The following FOCAD variants were observed in gnomAD, a reference collection of about 807,000 sequenced individuals.
The protein encoded by FOCAD is KIAA1797.
In FOCAD, 198 loss-of-function variants were observed where a neutral mutation model predicts 225.6. The ratio of observed to expected loss-of-function variants is 0.88; its 90% CI spans 0.78 to 0.99. The LOEUF (loss-of-function observed/expected upper bound fraction) is 0.99, where lower values mean the gene tolerates loss of function less well. FOCAD is among the 50% of genes least tolerant of loss of function. The probability of loss-of-function intolerance (pLI) is 0.00; values close to 1 mark genes in which losing one functional copy is unlikely to be tolerated. For synonymous variants in FOCAD, 897 were observed against 755.0 expected (o/e 1.19, Z -3.08); for missense variants, 2,713 against 2,123.6 (o/e 1.28, Z -5.46).
chr9:20,765,708 T>A (rs1829997902), intron 7 of FOCAD, among the ~76,000 whole-genome samples: 1 of 152,198 alleles, frequency 6.6e-6, no homozygotes. Flanking sequence ...AAGAGAAATT[T>A]GAGTCATTGT....
intron 11 of FOCAD, among the ~76,000 whole-genome samples, chr9:20,809,317 A>G (rs891640300): frequency 4.6e-5 from 7 of 152,186 alleles, no homozygotes; most frequent in Non-Finnish European, 7.3e-5. Context: ...GTGCAGTTTT[A>G]TGTGGTAACC....
intron 2 of FOCAD, among the ~76,000 whole-genome samples, chr9:20,676,293 C>T (rs777044894): frequency 1.6e-4 from 25 of 152,148 alleles, no homozygotes; most frequent in East Asian, 3.9e-4. Context: ...GCTGAATATC[C>T]CGATTTGCCC....
intron 39 of FOCAD, among the ~76,000 whole-genome samples, chr9:20,985,406 C>T (rs542965670): frequency 4.8e-4 from 73 of 152,124 alleles, no homozygotes; most frequent in Non-Finnish European, 8.5e-4. Context: ...ACAAATTTTC[C>T]AAAAATCTAA....
rs1837434206 is a variant in FOCAD at position 20,948,880 on chromosome 9, T to A, written c.3828T>A (p.Ala1276=). 6.2e-7 allele frequency: 1 copy of A among 1,613,568 alleles called. No homozygotes were observed. Among genetic ancestry groups the A allele is most frequent in the Non-Finnish European group, 8.5e-7 (1 of 1,179,568 alleles). Residue 1276 remains alanine, a synonymous_variant, in exon 32 of 44, where the codon GCT becomes GCA. Transcript: ENST00000338382. ...CTCCCACAATGCTTTGTCTGGCAGC[T>A]CTTCATGGCATGGTGGCCTTGGTAG... ...EGTPTMLCLA[A]LHGMVALVGS...
chr9:20,693,773 C>T (rs541194027), intron 1 of FOCAD, among the ~76,000 whole-genome samples: 1 of 152,168 alleles, frequency 6.6e-6, no homozygotes. Flanking sequence ...TGCAGTGGCA[C>T]AATCTTGGCT....
intron 35 of FOCAD, among the ~76,000 whole-genome samples, chr9:20,958,909 T>C (rs1838449096): frequency 6.6e-6 from 1 of 152,196 alleles, no homozygotes; most frequent in Admixed American, 6.5e-5. Context: ...ATTGTGGATA[T>C]ATACCAAATT....
chr9:20,730,306 A>T (rs1211858599), intron 4 of FOCAD, among the ~76,000 whole-genome samples: 4 of 152,158 alleles, frequency 2.6e-5, no homozygotes, highest in African/African-American at 9.7e-5. Flanking sequence ...TATTACCTGA[A>T]ATACTTCTAT....
chr9:20,881,669 G>A (rs1830676178), intron 19 of FOCAD, among the ~76,000 whole-genome samples: 1 of 151,700 alleles, frequency 6.6e-6, no homozygotes, highest in African/African-American at 2.4e-5. Context: ...GGGAAAGAGA[G>A]GAATTAAGCT....
chr9:20,770,451 G>C (rs1422505247), intron 8 of FOCAD, among the ~76,000 whole-genome samples: 1 of 152,136 alleles, frequency 6.6e-6, no homozygotes, highest in Non-Finnish European at 1.5e-5. Context: ...CACATGGCTG[G>C]TGTAGGAGTG....
chr9:20,862,735 A>G (rs1360211217), intron 16 of FOCAD, 23 bp downstream of exon 16: 3 of 1,597,382 alleles, frequency 1.9e-6, no homozygotes, highest in Admixed American at 1.7e-5. Flanking sequence ...AGCTCAGCAC[A>G]TTGCCTGCTT....
chr9:20,956,031 A>G (rs1225330242), intron 35 of FOCAD, among the ~76,000 whole-genome samples: 1 of 152,236 alleles, frequency 6.6e-6, no homozygotes, highest in Non-Finnish European at 1.5e-5. Context: ...TAACTAAGCA[A>G]AGTATATTTA....
chr9:20,821,277 G>C (rs909284750), intron 14 of FOCAD, among the ~76,000 whole-genome samples: 1 of 151,932 alleles, frequency 6.6e-6, no homozygotes, highest in African/African-American at 2.4e-5. Flanking sequence ...GACTAGTCTT[G>C]TATCTAGGTT....
intron 21 of FOCAD, chr9:20,897,174 T>C (rs1832159689): frequency 6.6e-6 from 1 of 151,798 alleles, no homozygotes; most frequent in South Asian, 2.1e-4. Context: ...GCTTTCCTTG[T>C]TGTCAAGTCT....
intron 8 of FOCAD, among the ~76,000 whole-genome samples, chr9:20,778,033 T>G (rs1489194222): frequency 7.6e-6 from 1 of 132,370 alleles, no homozygotes; most frequent in African/African-American, 2.9e-5. Flanking sequence ...GAGCTTGCAG[T>G]GAGCGGAGAT....
chr9:20,866,850 T>C (rs547576049), intron 17 of FOCAD, 79 bp from the exon 18 acceptor site: 2 of 842,680 alleles, frequency 2.4e-6, no homozygotes, highest in Non-Finnish European at 1.8e-6. Context: ...CCCTCCAGAT[T>C]TGATGTTTAA....
intron 11 of FOCAD, among the ~76,000 whole-genome samples, chr9:20,810,815 C>T (rs780486268): frequency 5.9e-5 from 9 of 152,032 alleles, no homozygotes; most frequent in Non-Finnish European, 8.8e-5. Flanking sequence ...CTACATCAAA[C>T]CCCTCAAGTG....
chr9:20,896,545 C>G (rs544380858), intron 21 of FOCAD, among the ~76,000 whole-genome samples: 2 of 152,016 alleles, frequency 1.3e-5, no homozygotes, highest in South Asian at 4.1e-4. Context: ...TTAATAGATA[C>G]AGGCCTATTC....
chr9:20,788,404 A>T (rs1288045979), intron 10 of FOCAD, among the ~76,000 whole-genome samples: 2 of 152,196 alleles, frequency 1.3e-5, no homozygotes, highest in Non-Finnish European at 1.5e-5. Context: ...AGCTCTAGGA[A>T]TGAATTACTA....
intron 21 of FOCAD, among the ~76,000 whole-genome samples, chr9:20,885,790 G>A (rs1209276246): frequency 3.3e-5 from 5 of 152,066 alleles, no homozygotes; most frequent in Admixed American, 6.6e-5. Flanking sequence ...AAGTCCTTGG[G>A]AAATGTATTT....
Sources: allele counts gnomAD v4.1 joint callset (sites outside exome capture counted in the v4.1 genomes callset), GRCh38; gene constraint gnomAD v4.1.1; transcripts MANE v1.5; gene names NCBI Gene and HGNC (gene_info 2026-07-23, HGNC 2026-07-21).